Variants in INO80D observed in about 807,000 individuals in gnomAD.
INO80D encodes INO80 complex subunit D.
INO80D carries 21 observed loss-of-function variants against 87.6 expected under a neutral mutation model. The observed-to-expected ratio is 0.24, with a 90% confidence interval of 0.17 to 0.35. The LOEUF is 0.35. Among genes scored for constraint, INO80D ranks in the 10% least tolerant of loss-of-function variants. The probability of loss-of-function intolerance (pLI) is 1.00; values close to 1 mark genes in which losing one functional copy is unlikely to be tolerated. For missense variants in INO80D, 982 were observed against 1,280.7 expected (o/e 0.77, Z 3.56); for synonymous variants, 440 against 491.0 (o/e 0.90, Z 1.37).
At chr2:206,019,996 A>G (rs1357175319) in intron 6 of INO80D, among the ~76,000 whole-genome samples, 151 bp from the exon 7 acceptor site, 1 of 152,238 alleles carries the variant, frequency 6.6e-6, no homozygotes, top group Non-Finnish European at 1.5e-5. Flanking sequence ...TGATTTAAAG[A>G]AAGACGGTAT....
At chr2:206,042,454 G>C (rs1358674691) in intron 5 of INO80D, among the ~76,000 whole-genome samples, 2 of 152,136 alleles carry the variant, frequency 1.3e-5, no homozygotes, top group Non-Finnish European at 2.9e-5. Flanking sequence ...GGCGGAGGCA[G>C]GTGGATCACC....
chr2:206,062,790 A>G lies in INO80D; in HGVS notation c.218+9T>C. The G allele has an allele frequency of 6.3e-7, 1 of 1,593,154 alleles. No individual in the cohort carries two copies. Among genetic ancestry groups the G allele is most frequent in the Non-Finnish European group, 8.5e-7 (1 of 1,172,594 alleles). ...AAATCAAGGATTGATTCTCATGATT[A>G]GCCCTTACCTACGATCCTCTGATTT... On this transcript the variant is annotated intron_variant, in intron 3 of 10. Coordinates refer to ENST00000403263, the MANE Select transcript of INO80D (RefSeq NM_017759.5). The surrounding 1 kb of genome is among the most constrained non-coding windows in gnomAD (Gnocchi z 4.6).
chr2:206,019,935 C>T, intron 6 of INO80D, 90 bp from the exon 7 acceptor site: 1 of 839,522 alleles, frequency 1.2e-6, no homozygotes, highest in East Asian at 2.7e-5. Flanking sequence ...CTCTGTAACA[C>T]TCTCATTATA....
chr2:206,080,864 C>T (rs1690260038), intron 1 of INO80D, among the ~76,000 whole-genome samples: 1 of 125,762 alleles, frequency 8.0e-6, no homozygotes, highest in Admixed American at 1.0e-4. Context: ...GATCGTGCCA[C>T]TGCACTCCAG....
intron 5 of INO80D, among the ~76,000 whole-genome samples, chr2:206,040,066 G>C (rs1689003592): frequency 6.6e-6 from 1 of 151,882 alleles, no homozygotes; most frequent in Non-Finnish European, 1.5e-5. Context: ...GCCAAGGTAG[G>C]CAGATTACTT....
At chr2:206,061,444 A>G (rs1689688473) in intron 3 of INO80D, among the ~76,000 whole-genome samples, 1 of 152,256 alleles carries the variant, frequency 6.6e-6, no homozygotes, top group South Asian at 2.1e-4. Flanking sequence ...ATGTAAAAAA[A>G]AATTAATCCA....
At chr2:206,077,880 CCAGT>C (rs1275524141) in intron 1 of INO80D, among the ~76,000 whole-genome samples, 1 of 151,968 alleles carries the variant, frequency 6.6e-6, no homozygotes, top group Non-Finnish European at 1.5e-5. Context: ...TCCTTTCTGA[CCAGT>C]CAGTGAGTTC....
At position 206,005,025 on chromosome 2, in the gene INO80D, T is replaced by G; in HGVS notation, c.2427A>C (p.Leu809=). The part of the protein sequence containing the change: ...PAQLLSKADD[L]ITSRQQYSSD... ...TGCTGTATTGCTGTCGTGAGGTGAT[T>G]AGGTCATCTGCCTTGCTCAGCAGCT... is the stretch of plus-strand genomic sequence containing the variant. Residue 809 remains leucine, a synonymous_variant, in exon 11 of 11, where the codon CTA becomes CTC. Transcript: ENST00000403263. The G allele has an allele frequency of 6.2e-7, 1 of 1,613,918 alleles. No individual in the cohort carries two copies. The highest frequency in any genetic ancestry group is 8.5e-7 in the Non-Finnish European group (1 of 1,179,852).
chr2:206,076,727 C>T (rs1014249247), intron 1 of INO80D, among the ~76,000 whole-genome samples: 1 of 152,136 alleles, frequency 6.6e-6, no homozygotes, highest in Non-Finnish European at 1.5e-5. Flanking sequence ...TCCTTCCCTG[C>T]TATATTAGAA....
At chr2:206,060,615 C>T (rs769769237) in intron 3 of INO80D, among the ~76,000 whole-genome samples, 2 of 150,366 alleles carry the variant, frequency 1.3e-5, no homozygotes, top group Non-Finnish European at 3.0e-5. Context: ...GGCTGGAGTG[C>T]AATGGCGCGA....
chr2:206,080,405 C>T (rs576798954), intron 1 of INO80D, among the ~76,000 whole-genome samples: 3 of 152,156 alleles, frequency 2.0e-5, no homozygotes, highest in Non-Finnish European at 4.4e-5. Context: ...ACTTACTATA[C>T]CTTTATATTG....
chr2:206,083,730 G>C (rs1358664215), intron 1 of INO80D, among the ~76,000 whole-genome samples: 1 of 152,018 alleles, frequency 6.6e-6, no homozygotes, highest in Non-Finnish European at 1.5e-5. Flanking sequence ...CCCTGCAAGT[G>C]GTAGCTTTTC....
chr2:206,004,686 G>A lies in INO80D; in HGVS notation c.2766C>T (p.Pro922=). Residue 922 remains proline (P), a synonymous_variant, in exon 11 of 11, where the codon CCC becomes CCT. Transcript: ENST00000403263. The surrounding 1 kb of genome is among the most constrained non-coding windows in gnomAD (Gnocchi z 4.9). ...HLLSTSLSTP[P]TTSNSETTQP... ...GTGTGGTCTCTGAGTTCGAAGTGGT[G>A]GGTGGCGTGGATAGGGAAGTGGAAA... is the stretch of plus-strand genomic sequence containing the variant. 1 of 1,613,980 alleles carries A rather than the reference G, an allele frequency of 6.2e-7. No individual in the cohort carries two copies. Among genetic ancestry groups the A allele is most frequent in the Non-Finnish European group, 8.5e-7 (1 of 1,179,880 alleles).
At chr2:206,079,638 G>A (rs1243611394) in intron 1 of INO80D, among the ~76,000 whole-genome samples, 1 of 152,130 alleles carries the variant, frequency 6.6e-6, no homozygotes, top group Non-Finnish European at 1.5e-5. Flanking sequence ...GTCAGGAGCT[G>A]CCTCACTGGT....
intron 4 of INO80D, among the ~76,000 whole-genome samples, chr2:206,050,892 C>T (rs534360252): frequency 6.6e-6 from 1 of 152,122 alleles, no homozygotes; most frequent in South Asian, 2.1e-4. Context: ...TGGCGTGAAC[C>T]CGGGAGGCGG....
At chr2:206,051,975 G>A (rs1037969684) in intron 4 of INO80D, among the ~76,000 whole-genome samples, 6 of 152,224 alleles carry the variant, frequency 3.9e-5, no homozygotes, top group South Asian at 2.1e-4. Context: ...GCCATGCCTC[G>A]CAGTTGTAAA....
At chr2:206,033,192 G>T (rs974763472) in intron 5 of INO80D, among the ~76,000 whole-genome samples, 3 of 152,086 alleles carry the variant, frequency 2.0e-5, no homozygotes, top group African/African-American at 7.2e-5. Context: ...TCTTATATCA[G>T]ACAAAACAAA....
chr2:206,007,151 A>AT lies in INO80D; in HGVS notation c.1918+132dup. 1.3e-5 allele frequency: 10 copies of AT among 743,842 alleles called. No individual in the cohort carries two copies. In the South Asian group the frequency reaches 1.9e-4, roughly 14 times the overall value. The allele number at this position is 743,842 out of a possible 1,614,324, so 46.1% of individuals were successfully genotyped here. A position where few individuals can be genotyped will look rare whatever the true frequency, so the allele number is the denominator to read the frequency against. On this transcript the variant is annotated intron_variant, in intron 10 of 10. Transcript: ENST00000403263. ...AAAGGGTTAAAATAGCTGCAGTGGC[A>AT]TTATATTTCCTATCTACAGTGAAAG...
chr2:206,050,719 A>G (rs1363068387), intron 4 of INO80D, among the ~76,000 whole-genome samples: 1 of 152,166 alleles, frequency 6.6e-6, no homozygotes, highest in Non-Finnish European at 1.5e-5. Context: ...CTGTAATCCC[A>G]GCACTTTGGG....
Sources: allele counts gnomAD v4.1 joint callset (sites outside exome capture counted in the v4.1 genomes callset), GRCh38; gene constraint gnomAD v4.1.1; non-coding constraint Gnocchi (gnomAD v3.1); transcripts MANE v1.5; gene names NCBI Gene and HGNC (gene_info 2026-07-23, HGNC 2026-07-21).